FANCD2: variants seen among roughly 807,000 people sequenced by gnomAD.
FANCD2 encodes the protein FA complementation group D2.
Under a neutral mutation model 192.3 loss-of-function variants are expected in FANCD2, and 131 were observed. The ratio of observed to expected loss-of-function variants is 0.68; its 90% CI spans 0.59 to 0.79. The LOEUF (loss-of-function observed/expected upper bound fraction) is 0.79, where lower values mean the gene tolerates loss of function less well. FANCD2 is among the 30% of genes least tolerant of loss of function. The pLI is 0.00. For missense variants in FANCD2, 1,508 were observed against 1,701.6 expected, an observed-to-expected ratio of 0.89 and a Z score of 2.00; for synonymous variants, 524 against 612.5, an observed-to-expected ratio of 0.86 and a Z score of 2.13.
At chr3:10,053,195 G>A (rs1474802460) in intron 18 of FANCD2, among the ~76,000 whole-genome samples, 4 of 149,638 alleles carry the variant, frequency 2.7e-5, no homozygotes, top group Admixed American at 6.7e-5. Context: ...ATACTATGCA[G>A]CCATAAAAAA....
chr3:10,075,631 G>T (rs185323571), intron 29 of FANCD2, among the ~76,000 whole-genome samples: 1 of 151,938 alleles, frequency 6.6e-6, no homozygotes, highest in Admixed American at 6.6e-5. Context: ...TTTCATCAGA[G>T]AGTAGAATTT....
intron 2 of FANCD2, 126 bp from the exon 3 acceptor site, chr3:10,032,706 C>T (rs1388776509): frequency 2.6e-6 from 2 of 773,556 alleles, no homozygotes; most frequent in African/African-American, 1.7e-5. Flanking sequence ...TATTTCACTA[C>T]AGCATCAATC....
At chr3:10,031,369 G>A (rs35848502) in intron 2 of FANCD2, among the ~76,000 whole-genome samples, 1,795 of 152,198 alleles carry the variant, frequency 0.012, 15 homozygotes, top group Non-Finnish European at 0.019. Context: ...CGGGCGTGGT[G>A]GTGTGCACCT....
At chr3:10,037,477 T>A (rs899228838) in intron 7 of FANCD2, 3 of 152,216 alleles carry the variant, frequency 2.0e-5, no homozygotes, top group African/African-American at 7.2e-5. Context: ...TTGCATACCC[T>A]TTAATCCTAA....
intron 8 of FANCD2, 65 bp downstream of exon 8, chr3:10,039,422 A>ATTTT: frequency 1.5e-6 from 2 of 1,347,038 alleles, no homozygotes; most frequent in South Asian, 1.3e-5. Context: ...TGGAGGTTGT[A>ATTTT]TTTTTTTTTC....
In FANCD2 at chr3:10,073,303, T is replaced by A; in HGVS notation, c.2656T>A (p.Ser886Thr). ...GSKTSSSDTL[S>T]EEKNSECDPT... Reference sequence around the variant, plus strand: ...CAAGACATCCTCCTCTGACACACTTTCAGAAGAGAAAAATTCAGAATGTGA... The same window carrying A: ...CAAGACATCCTCCTCTGACACACTTACAGAAGAGAAAAATTCAGAATGTGA... Residue 886 changes from serine to threonine, a missense_variant, in exon 28 of 44, where the codon TCA becomes ACA. Transcript: ENST00000675286. The A allele has an allele frequency of 6.2e-7, 1 of 1,614,094 alleles. No individual in the cohort carries two copies.
chr3:10,038,484 T>G (rs1034249874), intron 7 of FANCD2, among the ~76,000 whole-genome samples: 1 of 152,158 alleles, frequency 6.6e-6, no homozygotes, highest in African/African-American at 2.4e-5. Flanking sequence ...AAAATGATAA[T>G]TGAGCCAACA....
At position 10,072,922 on chromosome 3, in the gene FANCD2, A is replaced by C. The variant is rs1575809303; in HGVS notation, c.2546A>C (p.Asp849Ala). 1 of 1,612,666 alleles carries C rather than the reference A, an allele frequency of 6.2e-7. No homozygotes were observed. Among genetic ancestry groups the C allele is most frequent in the Non-Finnish European group, 8.5e-7 (1 of 1,178,774 alleles). The change falls in exon 27 of 44, where the codon GAT becomes GCT. Residue 849 changes from aspartate (D) to alanine (A), a missense_variant. Asp to Ala is a moderately radical substitution (Grantham distance 126, BLOSUM62 -2). Around this residue, in one of 5 missense-constraint regions of FANCD2, gnomAD observed 796 missense variants for 879.4 expected, o/e 0.91. Coordinates refer to ENST00000675286, the MANE Select transcript of FANCD2 (RefSeq NM_001018115.3). ...PLGNFDVETLDITPHTVTAIS... is the reference protein window; with the variant it reads ...PLGNFDVETLAITPHTVTAIS... ...GGAAACTTTGATGTGGAAACTTTAG[A>C]TATAACACCTCATACTGTTACTGCT...
At chr3:10,064,942 T>TTGGTGGAAGTTGAG in intron 23 of FANCD2, 67 bp downstream of exon 23, 1 of 1,546,204 alleles carries the variant, frequency 6.5e-7, no homozygotes, top group Non-Finnish European at 8.9e-7. Flanking sequence ...TCCACAGCTC[T>TTGGTGGAAGTTGAG]TGGTGGGGAA....
At chr3:10,040,758 A>G (rs1287840174) in intron 9 of FANCD2, 1 of 341,234 alleles carries the variant, frequency 2.9e-6, no homozygotes, top group Non-Finnish European at 5.7e-6. Flanking sequence ...TTGTCTGCAA[A>G]GCTACCTCCA....
intron 18 of FANCD2, chr3:10,058,105 TC>T: frequency 2.1e-6 from 1 of 484,368 alleles, no homozygotes; most frequent in Non-Finnish European, 3.9e-6. Context: ...GTGTATCCTC[TC>T]CCCAGGTGAT....
intron 25 of FANCD2, 151 bp from the exon 26 acceptor site, chr3:10,067,058 T>C: frequency 4.8e-6 from 3 of 629,660 alleles, no homozygotes; most frequent in East Asian, 2.9e-5. Context: ...AGATTTTTTT[T>C]CTGTATACCA....
At chr3:10,092,961 GGATATCAGGCATGA>G (rs930582352) in intron 38 of FANCD2, among the ~76,000 whole-genome samples, 4 of 151,954 alleles carry the variant, frequency 2.6e-5, no homozygotes, top group Admixed American at 6.6e-5. Flanking sequence ...CAAAATGCTG[GGATATCAGGCATGA>G]GCCAGCATGC....
rs548428722 is a variant in FANCD2, at chr3:10,074,223, C to T, written c.2716-307C>T. On this transcript the variant is annotated intron_variant, in intron 28 of 43. Coordinates refer to ENST00000675286, the MANE Select transcript of FANCD2 (RefSeq NM_001018115.3). Reference sequence around the variant, plus strand: ...CCTCCCAAAGTCCTGGGATTACAGGCATGAACCACCACACCTGGCCAGCTC... The same window carrying T: ...CCTCCCAAAGTCCTGGGATTACAGGTATGAACCACCACACCTGGCCAGCTC... Among the ~76,000 whole-genome samples the T allele has an allele frequency of 9.2e-5, 14 of 152,270 alleles. No individual in the cohort carries two copies. In the East Asian group the frequency reaches 2.7e-3, roughly 29 times the overall value.
chr3:10,035,713 C>T (rs181646854), intron 6 of FANCD2, among the ~76,000 whole-genome samples: 1 of 152,238 alleles, frequency 6.6e-6, no homozygotes, highest in African/African-American at 2.4e-5. Flanking sequence ...CCTCTTCTCC[C>T]CTACTGTTAA....
chr3:10,032,759 T>G lies in FANCD2; in HGVS notation c.65-73T>G, dbSNP rs56002714. On this transcript the variant is annotated intron_variant, in intron 2 of 43. Transcript: ENST00000675286. ...GACACATCAGTTTTCCTCTCATGAT[T>G]ATTATTCCTGGGTTTAAGTTTTAAT... 6.5e-4 allele frequency: 858 copies of G among 1,320,172 alleles called. 7 individuals carry two copies. The East Asian group carries it at 0.017, about 27-fold the overall frequency. The allele number at this position is 1,320,172 out of a possible 1,614,324, so 81.8% of individuals were successfully genotyped here. A position where few individuals can be genotyped will look rare whatever the true frequency, so the allele number is the denominator to read the frequency against.
At chr3:10,028,859 T>C in intron 2 of FANCD2, 138 bp downstream of exon 2, 1 of 836,736 alleles carries the variant, frequency 1.2e-6, no homozygotes, top group South Asian at 1.4e-5. Context: ...GGGAGAAATA[T>C]CAGATTTGGG....
chr3:10,089,033 A>G, intron 36 of FANCD2, 83 bp downstream of exon 36: 1 of 1,508,744 alleles, frequency 6.6e-7, no homozygotes, highest in Non-Finnish European at 9.2e-7. Flanking sequence ...CTGTAATCCC[A>G]GCACTTTGGG....
chr3:10,076,762 G>A lies in FANCD2; in HGVS notation c.2860-1319G>A, dbSNP rs557555363. ...TTTGTTGGAGACGGAGTCTTGCTCT[G>A]TCCGTCAGTCTGGAGTGCAGTGGCA... On this transcript the variant is annotated intron_variant, in intron 29 of 43. Coordinates refer to ENST00000675286, the MANE Select transcript of FANCD2 (RefSeq NM_001018115.3). 9.9e-5 allele frequency among the ~76,000 whole-genome samples: 15 copies of A among 152,230 alleles called. No individual in the cohort carries two copies. In the South Asian group the frequency reaches 2.3e-3, roughly 23 times the overall value.
Sources: allele counts gnomAD v4.1 joint callset (sites outside exome capture counted in the v4.1 genomes callset), GRCh38; gene constraint gnomAD v4.1.1; regional missense constraint gnomAD v4.1.1; transcripts MANE v1.5; gene names NCBI Gene and HGNC (gene_info 2026-07-23, HGNC 2026-07-21).